The following PCDH17 variants were observed in gnomAD, a reference collection of about 807,000 sequenced individuals.
The protein encoded by PCDH17 is protocadherin-17.
In PCDH17, 21 loss-of-function variants were observed where a neutral mutation model predicts 67.7. The observed-to-expected ratio is 0.31, with a 90% CI of 0.22 to 0.45. The LOEUF (loss-of-function observed/expected upper bound fraction) is 0.45, where lower values mean the gene tolerates loss of function less well. Among genes scored for constraint, PCDH17 ranks in the 20% least tolerant of loss-of-function variants. The pLI, the probability that PCDH17 is intolerant of heterozygous loss-of-function variation, is 1.00. For missense variants in PCDH17, 1,471 were observed against 1,564.8 expected (o/e 0.94, Z 1.01); for synonymous variants, 701 against 656.7 (o/e 1.07, Z -1.03).
intron 1 of PCDH17, among the ~76,000 whole-genome samples, chr13:57,636,996 T>C (rs960629080): frequency 6.6e-6 from 1 of 152,094 alleles, no homozygotes; most frequent in African/African-American, 2.4e-5. Context: ...TTTTGAGAGA[T>C]AGTGATACCT....
intron 1 of PCDH17, among the ~76,000 whole-genome samples, chr13:57,639,172 T>A (rs186372029): frequency 6.6e-6 from 1 of 152,070 alleles, no homozygotes; most frequent in African/African-American, 2.4e-5. Flanking sequence ...AGTTCACTCA[T>A]CCTTTTTCTT....
At chr13:57,650,120 T>C (rs1955016564) in intron 1 of PCDH17, among the ~76,000 whole-genome samples, 1 of 152,152 alleles carries the variant, frequency 6.6e-6, no homozygotes, top group Non-Finnish European at 1.5e-5. Flanking sequence ...CTTTTTTAGT[T>C]ATGTTATAAA....
intron 3 of PCDH17, among the ~76,000 whole-genome samples, chr13:57,713,914 T>C (rs1955797919): frequency 6.6e-6 from 1 of 151,610 alleles, no homozygotes; most frequent in African/African-American, 2.4e-5. Flanking sequence ...AAATATAGTA[T>C]TTTTGAAAAT....
At chr13:57,722,842 C>T (rs1305849060) in intron 3 of PCDH17, among the ~76,000 whole-genome samples, 1 of 152,080 alleles carries the variant, frequency 6.6e-6, no homozygotes, top group Non-Finnish European at 1.5e-5. Context: ...CTCCTGGGCT[C>T]AAGCAATCCT....
rs1170133945 is a variant in PCDH17 at position 57,728,341 on chromosome 13, A to G, written c.*3047A>G. On this transcript the variant is annotated 3_prime_UTR_variant, in exon 4 of 4. Transcript: ENST00000377918. ...AATTTAGAATGTGAAAAAAATATCA[A>G]TTCATATCTTTCAAGTACTAACCCC... 2 of 152,204 alleles carry G rather than the reference A, an allele frequency of 1.3e-5. No individual in the cohort carries two copies. The highest frequency in any genetic ancestry group is 2.9e-5 in the Non-Finnish European group (2 of 67,962). 9.4% of individuals were successfully genotyped at this position (152,204 alleles called of 1,614,324 possible).
chr13:57,713,320 G>A (rs1352339152), intron 3 of PCDH17, among the ~76,000 whole-genome samples: 1 of 151,666 alleles, frequency 6.6e-6, no homozygotes, highest in East Asian at 1.9e-4. Context: ...TTCACTTAAA[G>A]TTTTATTCTT....
intron 3 of PCDH17, among the ~76,000 whole-genome samples, chr13:57,701,305 G>T (rs1218751304): frequency 1.3e-5 from 2 of 152,082 alleles, no homozygotes; most frequent in Admixed American, 6.6e-5. Flanking sequence ...AACATAACCT[G>T]TAGAAGTGAA....
At chr13:57,699,981 T>C (rs1323114494) in intron 3 of PCDH17, among the ~76,000 whole-genome samples, 1 of 152,086 alleles carries the variant, frequency 6.6e-6, no homozygotes, top group Non-Finnish European at 1.5e-5. Flanking sequence ...TATGTCATGG[T>C]TTACTCAGAA....
Position 57,632,739 on chromosome 13 carries a change from C to A in PCDH17, c.193C>A (p.Arg65=), listed in dbSNP as rs749323048. 1.9e-6 allele frequency: 3 copies of A among 1,612,208 alleles called. No homozygotes were observed. The South Asian group carries it at 3.3e-5, about 18-fold the overall frequency. ...AGGGCGCAGCAAGTCGGGTAGCTAC[C>A]GGGTGCTGGAGAACTCCGCACCGCA... The part of the protein sequence containing the change: ...GGGRSKSGSY[R]VLENSAPHLL... Residue 65 remains arginine, a synonymous_variant, in exon 1 of 4, where the codon CGG becomes AGG. Transcript: ENST00000377918.
At chr13:57,673,054 T>C (rs1457967601) in intron 3 of PCDH17, among the ~76,000 whole-genome samples, 1 of 151,984 alleles carries the variant, frequency 6.6e-6, no homozygotes, top group East Asian at 1.9e-4. Flanking sequence ...GATTAACTTC[T>C]TCTAATCTAT....
intron 1 of PCDH17, among the ~76,000 whole-genome samples, chr13:57,637,581 A>G (rs1034964711): frequency 7.9e-5 from 12 of 152,010 alleles, no homozygotes; most frequent in African/African-American, 2.9e-4. Context: ...GAAACACACT[A>G]TTAATCTCAT....
rs745707564 is a variant in PCDH17 at position 57,634,080 on chromosome 13, C to A, written c.1534C>A (p.Leu512Met). ...GQNGTVSYSILPSHIGDVSIY... is the reference protein window; with the variant it reads ...GQNGTVSYSIMPSHIGDVSIY... ...GAACGGCACCGTATCCTACTCTATC[C>A]TGCCCTCGCACATCGGCGACGTGTC... The change falls in exon 1 of 4, where the codon CTG becomes ATG. Residue 512 changes from leucine to methionine, a missense_variant. Around this residue, in one of 3 missense-constraint regions of PCDH17, gnomAD observed 1,163 missense variants for 1,230.0 expected, o/e 0.95. Transcript: ENST00000377918. The surrounding 1 kb of genome is among the most constrained non-coding windows in gnomAD (Gnocchi z 7.8). 6.2e-7 allele frequency: 1 copy of A among 1,613,120 alleles called. No individual in the cohort carries two copies. Among genetic ancestry groups the A allele is most frequent in the South Asian group, 1.1e-5 (1 of 91,060 alleles).
chr13:57,697,401 C>A (rs1432537666), intron 3 of PCDH17, among the ~76,000 whole-genome samples: 1 of 151,562 alleles, frequency 6.6e-6, no homozygotes, highest in African/African-American at 2.4e-5. Flanking sequence ...TTTGTGTTAA[C>A]AGGTTTAACA....
chr13:57,701,140 T>C (rs1593938265), intron 3 of PCDH17, among the ~76,000 whole-genome samples: 1 of 152,186 alleles, frequency 6.6e-6, no homozygotes, highest in African/African-American at 2.4e-5. Flanking sequence ...TCTTCCAGTA[T>C]TGAGACTCAT....
chr13:57,674,246 G>C (rs1486931460), intron 3 of PCDH17, among the ~76,000 whole-genome samples: 1 of 151,920 alleles, frequency 6.6e-6, no homozygotes, highest in African/African-American at 2.4e-5. Flanking sequence ...TATCTTTCAA[G>C]TAAATATCTC....
In PCDH17 at chr13:57,716,622, G is replaced by A. The variant is rs555348529; in HGVS notation, c.2798-7990G>A. ...TTTCTCTGTATTTCTGCTGCTTGAC[G>A]TTCATATGACATAGTTCAAAATGTA... On this transcript the variant is annotated intron_variant, in intron 3 of 3. Coordinates refer to ENST00000377918, the MANE Select transcript of PCDH17 (RefSeq NM_001040429.3). 8.6e-5 allele frequency among the ~76,000 whole-genome samples: 13 copies of A among 151,890 alleles called. No homozygotes were observed. The South Asian group carries it at 1.9e-3, about 22-fold the overall frequency.
At chr13:57,645,730 A>C (rs1398240917) in intron 1 of PCDH17, among the ~76,000 whole-genome samples, 4 of 150,942 alleles carry the variant, frequency 2.7e-5, no homozygotes, top group Non-Finnish European at 4.4e-5. Context: ...CACTTATATA[A>C]ATGGTACATC....
rs1400161565 is a variant in PCDH17 at position 57,666,680 on chromosome 13, C to G, written c.2644C>G (p.Pro882Ala). 6.2e-7 allele frequency: 1 copy of G among 1,612,028 alleles called. No homozygotes were observed. Among genetic ancestry groups the G allele is most frequent in the South Asian group, 1.1e-5 (1 of 90,938 alleles). Residue 882 changes from proline (P) to alanine (A), a missense_variant, in exon 3 of 4, where the codon CCA (proline) becomes GCA (alanine). Pro to Ala is a conservative substitution (Grantham distance 27). Coordinates refer to ENST00000377918, the MANE Select transcript of PCDH17 (RefSeq NM_001040429.3). Reference sequence around the variant, plus strand: ...TTTCAGTAGCTCCACGTTTAAGGACCCAGAAAGAGCCAGCCTGAGAGACAG... The same window carrying G: ...TTTCAGTAGCTCCACGTTTAAGGACGCAGAAAGAGCCAGCCTGAGAGACAG... ...FVQSSSTFKD[P>A]ERASLRDSGH...
intron 1 of PCDH17, among the ~76,000 whole-genome samples, chr13:57,650,218 T>TTGTGTGTGTGTGTGTGTGTG (rs67398023): frequency 3.6e-5 from 5 of 137,478 alleles, no homozygotes; most frequent in Admixed American, 7.3e-5. Flanking sequence ...GGACCCTTGA[T>TTGTGTGTGTGTGTGTGTGTG]TGTGTGTGTG....
Sources: gnomAD v4.1 joint callset for allele counts (sites outside exome capture counted in the v4.1 genomes callset) on GRCh38, gnomAD v4.1.1 for gene constraint, gnomAD v4.1.1 regional missense constraint, Gnocchi (gnomAD v3.1) non-coding constraint, MANE v1.5 for transcripts, NCBI Gene and HGNC (gene_info 2026-07-23, HGNC 2026-07-21) for gene names.